NOD1: variants seen among roughly 807,000 people sequenced by gnomAD.
NOD1 encodes the protein nucleotide-binding oligomerization domain-containing protein 1.
In NOD1, 70 loss-of-function variants were observed where a neutral mutation model predicts 81.2. That is an observed-to-expected ratio of 0.86 (90% confidence interval 0.71 to 1.05). The LOEUF is 1.05. Ranked by LOEUF, NOD1 falls within the 50% of genes least tolerant of loss-of-function variation. The probability of loss-of-function intolerance (pLI) is 0.00; values close to 1 mark genes in which losing one functional copy is unlikely to be tolerated. For synonymous variants in NOD1, 508 were observed against 526.9 expected (o/e 0.96, Z 0.49); for missense variants, 1,233 against 1,228.0 (o/e 1.00, Z -0.06).
chr7:30,455,870 G>A (rs537889646), intron 4 of NOD1, among the ~76,000 whole-genome samples: 1 of 152,314 alleles, frequency 6.6e-6, no homozygotes, highest in South Asian at 2.1e-4. Context: ...CCAAAGTGCT[G>A]GGATTACAGG....
At chr7:30,465,988 C>T (rs3735433) in intron 1 of NOD1, among the ~76,000 whole-genome samples, 23,555 of 152,232 alleles carry the variant, frequency 0.15, 2,087 homozygotes, top group Admixed American at 0.23. Context: ...CTGCTCCTGT[C>T]CTGACCCTCC....
intron 13 of NOD1, among the ~76,000 whole-genome samples, chr7:30,428,883 A>G (rs1783699110): frequency 6.6e-6 from 1 of 152,138 alleles, no homozygotes; most frequent in African/African-American, 2.4e-5. Context: ...TTTTTCTTCT[A>G]TTAGCATAAG....
chr7:30,458,805 C>T (rs192492880), intron 3 of NOD1, among the ~76,000 whole-genome samples: 13 of 150,010 alleles, frequency 8.7e-5, no homozygotes, highest in East Asian at 2.0e-4. Flanking sequence ...GGCACAATCT[C>T]GGCTCACTGC....
chr7:30,458,344 G>A (rs572920732), intron 3 of NOD1, among the ~76,000 whole-genome samples: 266 of 152,066 alleles, frequency 1.7e-3, no homozygotes, highest in Middle Eastern at 3.4e-3. Context: ...GTCTAGGCAG[G>A]AAAACTCATG....
chr7:30,428,761 C>G (rs1273262149), intron 13 of NOD1, among the ~76,000 whole-genome samples: 1 of 152,118 alleles, frequency 6.6e-6, no homozygotes, highest in African/African-American at 2.4e-5. Context: ...CCCAGTCCCA[C>G]GTCACCCAGG....
chr7:30,456,758 G>C lies in NOD1; in HGVS notation c.164C>G (p.Ala55Gly). The C allele has an allele frequency of 6.2e-7, 1 of 1,614,120 alleles. No homozygotes were observed. Among genetic ancestry groups the C allele is most frequent in the Non-Finnish European group, 8.5e-7 (1 of 1,180,032 alleles). ...GGTGGGGCAGGCACACACAATCTCC[G>C]CATCTTCGGCCGAGAAGTAGTCATT... The part of the protein sequence containing the change: ...LKNDYFSAED[A>G]EIVCACPTQP... Residue 55 changes from alanine (A) to glycine (G), a missense_variant, in exon 4 of 14, where the codon GCG becomes GGG. Coordinates refer to ENST00000222823, the MANE Select transcript of NOD1 (RefSeq NM_006092.4).
intron 9 of NOD1, 73 bp from the exon 10 acceptor site, chr7:30,437,729 A>G (rs1784507107): frequency 5.6e-6 from 6 of 1,068,530 alleles, no homozygotes; most frequent in African/African-American, 5.1e-5. Flanking sequence ...TTTTTTGCCA[A>G]TGGCCACAGC....
intron 9 of NOD1, among the ~76,000 whole-genome samples, chr7:30,439,311 A>C (rs1322732771): frequency 1.4e-5 from 2 of 140,924 alleles, no homozygotes; most frequent in Non-Finnish European, 3.0e-5. Context: ...GCGACGCAGA[A>C]GACGGGTGAT....
chr7:30,470,216 T>C (rs1431449646), intron 1 of NOD1, among the ~76,000 whole-genome samples: 4 of 152,208 alleles, frequency 2.6e-5, no homozygotes, highest in East Asian at 1.9e-4. Flanking sequence ...ACCTACTCCA[T>C]GTAGGGATCT....
intron 5 of NOD1, among the ~76,000 whole-genome samples, chr7:30,454,524 A>G (rs1053383093): frequency 2.0e-5 from 3 of 152,224 alleles, no homozygotes; most frequent in African/African-American, 7.2e-5. Flanking sequence ...ATACTTATTG[A>G]ACTAATCAGT....
Position 30,456,897 on chromosome 7 carries a change from T to C in NOD1, c.25A>G (p.Met9Val). ...TGAGACTCTGATGGGATTATTTCCA[T>C]CTCACTGTGGCCCTGCTCTTCCATA... Reference protein sequence around the residue: MEEQGHSEMEIIPSESHPH... With the variant: MEEQGHSEVEIIPSESHPH... Residue 9 changes from methionine (M) to valine (V), a missense_variant, in exon 4 of 14, where the codon ATG (methionine) becomes GTG (valine). Met to Val is a conservative substitution (Grantham distance 21). Transcript: ENST00000222823. The C allele has an allele frequency of 6.2e-7, 1 of 1,614,222 alleles. No individual in the cohort carries two copies. The highest frequency in any genetic ancestry group is 8.5e-7 in the Non-Finnish European group (1 of 1,180,036).
At chr7:30,430,599 C>T (rs193163312) in intron 12 of NOD1, among the ~76,000 whole-genome samples, 2 of 152,300 alleles carry the variant, frequency 1.3e-5, no homozygotes, top group East Asian at 3.9e-4. Flanking sequence ...GGGTGCAGCT[C>T]CTCTTAAACC....
intron 12 of NOD1, among the ~76,000 whole-genome samples, chr7:30,429,827 C>T (rs922893827): frequency 6.6e-5 from 10 of 152,018 alleles, no homozygotes; most frequent in Admixed American, 2.0e-4. Flanking sequence ...CTCAGGAGAT[C>T]GATACCATCC....
chr7:30,476,128 T>G (rs1272753596), intron 1 of NOD1: 1 of 152,218 alleles, frequency 6.6e-6, no homozygotes. Context: ...ATAATAAGAA[T>G]GATAGAAGAA....
chr7:30,468,178 A>G (rs757093699), intron 1 of NOD1, among the ~76,000 whole-genome samples: 4 of 152,178 alleles, frequency 2.6e-5, no homozygotes, highest in Admixed American at 6.5e-5. Context: ...CACAAGAAAT[A>G]CCATATTGAA....
intron 1 of NOD1, chr7:30,463,999 T>G (rs1012813605): frequency 2.0e-5 from 3 of 152,244 alleles, no homozygotes; most frequent in Admixed American, 2.0e-4. Flanking sequence ...TATCTTGTGT[T>G]TCTTTGTAAC....
intron 9 of NOD1, among the ~76,000 whole-genome samples, chr7:30,439,621 G>A (rs1228119230): frequency 1.2e-5 from 1 of 85,010 alleles, no homozygotes; most frequent in African/African-American, 6.2e-5. Flanking sequence ...ACGGAATCTC[G>A]CTGATTGCTA....
intron 9 of NOD1, among the ~76,000 whole-genome samples, chr7:30,439,095 C>A (rs1212822224): frequency 1.3e-5 from 2 of 152,128 alleles, no homozygotes; most frequent in African/African-American, 4.8e-5. Flanking sequence ...CAAGTGTTGG[C>A]AAGGATGTGG....
At position 30,452,286 on chromosome 7, in the gene NOD1, C is replaced by T; in HGVS notation, c.1131G>A (p.Gln377=). The change falls in exon 6 of 14, where the codon CAG becomes CAA. Residue 377 remains glutamine, a synonymous_variant. Coordinates refer to ENST00000222823, the MANE Select transcript of NOD1 (RefSeq NM_006092.4). ...ERALQDRLLS[Q]LEANPNLCSL... The stretch of plus-strand genomic sequence containing the variant: ...TGCAGAGGTTGGGGTTGGCCTCCAG[C>T]TGGCTCAGCAGGCGGTCCTGCAGGG... 6.2e-7 allele frequency: 1 copy of T among 1,613,420 alleles called. No individual in the cohort carries two copies. The highest frequency in any genetic ancestry group is 8.5e-7 in the Non-Finnish European group (1 of 1,179,830).
Sources: allele counts gnomAD v4.1 joint callset (sites outside exome capture counted in the v4.1 genomes callset), GRCh38; gene constraint gnomAD v4.1.1; transcripts MANE v1.5; gene names NCBI Gene and HGNC (gene_info 2026-07-23, HGNC 2026-07-21).